Variants in TRA2B observed in about 807,000 individuals in gnomAD.
The protein encoded by TRA2B is transformer-2 protein homolog beta.
Under a neutral mutation model 41.7 loss-of-function variants are expected in TRA2B, and 14 were observed. The observed-to-expected ratio is 0.34, with a 90% CI of 0.22 to 0.53. The LOEUF (loss-of-function observed/expected upper bound fraction) is 0.53. Ranked by LOEUF, TRA2B falls within the 20% of genes least tolerant of loss-of-function variation. TRA2B has a pLI of 0.95. For missense variants in TRA2B, 167 were observed against 396.8 expected (o/e 0.42, Z 4.92); for synonymous variants, 130 against 128.8 (o/e 1.01, Z -0.06).
chr3:185,932,641 T>C (rs1162196098), intron 1 of TRA2B, among the ~76,000 whole-genome samples: 1 of 152,210 alleles, frequency 6.6e-6, no homozygotes, highest in Non-Finnish European at 1.5e-5. Flanking sequence ...AATACTACTT[T>C]AAAAGGTGGC....
At chr3:185,934,599 T>C (rs1744277175) in intron 1 of TRA2B, 1 of 985,282 alleles carries the variant, frequency 1.0e-6, no homozygotes, top group Non-Finnish European at 1.2e-6. Flanking sequence ...TCCTCCTATT[T>C]GACAATTCAA....
At chr3:185,932,165 T>A (rs1361234667) in intron 1 of TRA2B, among the ~76,000 whole-genome samples, 2 of 152,154 alleles carry the variant, frequency 1.3e-5, no homozygotes, top group Non-Finnish European at 2.9e-5. Context: ...TCTTATTATA[T>A]TCAATAGAAA....
rs753822070 is a variant in TRA2B at position 185,925,554 on chromosome 3, T to C, written c.243A>G (p.Ser81=). 6.8e-6 allele frequency: 11 copies of C among 1,614,210 alleles called. No homozygotes were observed. Among genetic ancestry groups the C allele is most frequent in the Middle Eastern group, 3.3e-4 (2 of 6,060 alleles). Residue 81 remains serine (S), a synonymous_variant, in exon 3 of 9, where the codon TCA becomes TCG. Coordinates refer to ENST00000453386, the MANE Select transcript of TRA2B (RefSeq NM_004593.3). ...SRSRSRSHRR[S]RSRSYSRDYR... ...AATCTCGACTGTAAGACCTGCTACG[T>C]GATCGTCTATGGGAGCGGGAGCGAG... is the stretch of plus-strand genomic sequence containing the variant.
At position 185,937,975 on chromosome 3, in the gene TRA2B, T is replaced by C. The variant is rs1046519704; in HGVS notation, c.-115A>G. The C allele has an allele frequency of 1.5e-6, 2 of 1,310,732 alleles. No homozygotes were observed. 81.2% of individuals were successfully genotyped at this position (1,310,732 alleles called of 1,614,324 possible). ...CACGACGCGCCGGTCGCCCAGCCGC[T>C]CAGAGCCGAAATGCTCCGCACCGCC... On this transcript the variant is annotated 5_prime_UTR_variant, in exon 1 of 9. Coordinates refer to ENST00000453386, the MANE Select transcript of TRA2B (RefSeq NM_004593.3).
At chr3:185,932,958 A>G (rs937106508) in intron 1 of TRA2B, among the ~76,000 whole-genome samples, 5 of 152,214 alleles carry the variant, frequency 3.3e-5, no homozygotes, top group African/African-American at 1.2e-4. Context: ...TCCTAACAAA[A>G]GGATAATTTC....
intron 1 of TRA2B, chr3:185,937,339 C>T (rs1744402512): frequency 3.0e-6 from 3 of 990,860 alleles, no homozygotes; most frequent in Non-Finnish European, 3.6e-6. Context: ...AAAAGAACGT[C>T]GTCTGTCCCC....
intron 1 of TRA2B, chr3:185,931,422 A>T (rs1297663708): frequency 2.4e-6 from 1 of 419,476 alleles, no homozygotes; most frequent in Non-Finnish European, 3.2e-6. Flanking sequence ...TTGCATTTCA[A>T]TCATTTAACT....
chr3:185,934,474 G>C (rs1199227558), intron 1 of TRA2B: 3 of 985,306 alleles, frequency 3.0e-6, no homozygotes, highest in Non-Finnish European at 3.6e-6. Context: ...TCACGTTCTA[G>C]TTCCAGACAA....
chr3:185,931,328 G>C (rs1023526138), intron 1 of TRA2B, among the ~76,000 whole-genome samples: 10 of 152,176 alleles, frequency 6.6e-5, no homozygotes, highest in African/African-American at 2.4e-4. Flanking sequence ...AGTTTATCTA[G>C]AGAGGACAAC....
chr3:185,935,790 G>T, intron 1 of TRA2B: 2 of 985,334 alleles, frequency 2.0e-6, no homozygotes, highest in Non-Finnish European at 2.4e-6. Flanking sequence ...AACCCTTAAA[G>T]GTTCCAATTG....
intron 1 of TRA2B, among the ~76,000 whole-genome samples, chr3:185,930,506 G>A (rs532858625): frequency 2.0e-5 from 3 of 152,134 alleles, no homozygotes; most frequent in African/African-American, 4.8e-5. Context: ...ATGAAGACCT[G>A]ACAACTCTCA....
chr3:185,935,772 T>C, intron 1 of TRA2B: 1 of 985,434 alleles, frequency 1.0e-6, no homozygotes, highest in Non-Finnish European at 1.2e-6. Context: ...TTGATTCAGG[T>C]GTATTCCAAC....
intron 1 of TRA2B, among the ~76,000 whole-genome samples, chr3:185,932,305 T>C (rs1447390931): frequency 6.6e-6 from 1 of 152,206 alleles, no homozygotes; most frequent in Non-Finnish European, 1.5e-5. Context: ...TTTACAGTAT[T>C]GTGACTTGTC....
At chr3:185,936,269 C>T (rs774451990) in intron 1 of TRA2B, 16 of 985,264 alleles carry the variant, frequency 1.6e-5, no homozygotes, top group African/African-American at 8.7e-5. Flanking sequence ...ACTGTTATAA[C>T]AGATTCAACT....
At chr3:185,918,134 T>C (rs2150110928) in intron 8 of TRA2B, among the ~76,000 whole-genome samples, 1 of 152,340 alleles carries the variant, frequency 6.6e-6, no homozygotes, top group East Asian at 1.9e-4. Context: ...AACAGGAGTC[T>C]CCGAGCCTAC....
rs1743913299 is a variant in TRA2B at position 185,925,540 on chromosome 3, T to C, written c.257A>G (p.Tyr86Cys). Residue 86 changes from tyrosine to cysteine, a missense_variant, in exon 3 of 9, where the codon TAC becomes TGC. Coordinates refer to ENST00000453386, the MANE Select transcript of TRA2B (RefSeq NM_004593.3). ...RSHRRSRSRSYSRDYRRRHSH... is the reference protein window; with the variant it reads ...RSHRRSRSRSCSRDYRRRHSH... ...GTGCCGTCTACGATAATCTCGACTG[T>C]AAGACCTGCTACGTGATCGTCTATG... is the stretch of plus-strand genomic sequence containing the variant. 1.9e-6 allele frequency: 3 copies of C among 1,614,222 alleles called. No individual in the cohort carries two copies. Among genetic ancestry groups the C allele is most frequent in the Non-Finnish European group, 2.5e-6 (3 of 1,180,046 alleles).
Position 185,937,787 on chromosome 3 carries a change from AG to A in TRA2B, c.36+37del, listed in dbSNP as rs538797253. On this transcript the variant is annotated intron_variant, in intron 1 of 8. Coordinates refer to ENST00000453386, the MANE Select transcript of TRA2B (RefSeq NM_004593.3). ...GGCCTAGAAAAAGATGCAAGGAGCTAGGACCACACAGCCACCCCCTACCGCA... is the reference window on the plus strand; with the variant it reads ...GGCCTAGAAAAAGATGCAAGGAGCTAGACCACACAGCCACCCCCTACCGCA... 5.9e-4 allele frequency: 960 copies of A among 1,614,042 alleles called. 4 individuals carry two copies. The African/African-American group carries it at 0.011, about 19-fold the overall frequency.
chr3:185,925,295 A>AC, intron 3 of TRA2B, 169 bp downstream of exon 3: 1 of 726,568 alleles, frequency 1.4e-6, no homozygotes, highest in Non-Finnish European at 2.1e-6. Flanking sequence ...CCAAATGCAG[A>AC]CCCCGTCATG....
chr3:185,915,148 A>G lies in TRA2B; in HGVS notation c.*2567T>C, dbSNP rs1219855011. On this transcript the variant is annotated 3_prime_UTR_variant, in exon 9 of 9. Coordinates refer to ENST00000453386, the MANE Select transcript of TRA2B (RefSeq NM_004593.3). Reference sequence around the variant, plus strand: ...GGCGGAGCTCAGGCAATCCATGGCCAGGAGATCGGAAACCCCTGCTCCCAG... The same window carrying G: ...GGCGGAGCTCAGGCAATCCATGGCCGGGAGATCGGAAACCCCTGCTCCCAG... Among the ~76,000 whole-genome samples the G allele has an allele frequency of 6.8e-6, 1 of 147,352 alleles. No homozygotes were observed.
Sources: allele counts gnomAD v4.1 joint callset (sites outside exome capture counted in the v4.1 genomes callset), GRCh38; gene constraint gnomAD v4.1.1; transcripts MANE v1.5; gene names NCBI Gene and HGNC (gene_info 2026-07-23, HGNC 2026-07-21).